Variants in COQ3 observed in about 807,000 individuals in gnomAD.
The protein encoded by COQ3 is coenzyme Q3, methyltransferase, also known as ubiquinone biosynthesis O-methyltransferase, mitochondrial.
In COQ3, 29 loss-of-function variants were observed where a neutral mutation model predicts 33.1. The ratio of observed to expected loss-of-function variants is 0.88; its 90% CI spans 0.65 to 1.19. COQ3 has a LOEUF of 1.19. COQ3 is among the 50% of genes most tolerant of loss of function. The pLI is 0.00. For missense variants in COQ3, 437 were observed against 430.7 expected, an observed-to-expected ratio of 1.01 and a Z score of -0.13; for synonymous variants, 173 against 157.8, an observed-to-expected ratio of 1.10 and a Z score of -0.72.
intron 2 of COQ3, among the ~76,000 whole-genome samples, chr6:99,382,564 A>G (rs1437029168): frequency 6.6e-6 from 1 of 152,214 alleles, no homozygotes; most frequent in Non-Finnish European, 1.5e-5. Context: ...AATTTACAAT[A>G]GGTAACAGTA....
intron 2 of COQ3, among the ~76,000 whole-genome samples, chr6:99,381,118 C>T (rs1246230993): frequency 6.6e-6 from 1 of 151,980 alleles, no homozygotes; most frequent in Non-Finnish European, 1.5e-5. Flanking sequence ...AGCACAGGTG[C>T]CTCCATCTTC....
chr6:99,383,855 A>G, intron 1 of COQ3, 31 bp from the exon 2 acceptor site: 3 of 1,509,546 alleles, frequency 2.0e-6, no homozygotes, highest in Non-Finnish European at 2.7e-6. Context: ...TCTAGAGAAA[A>G]GCTTTGCACA....
chr6:99,369,918 G>A (rs1582711069), intron 6 of COQ3, 98 bp from the exon 7 acceptor site: 2 of 775,942 alleles, frequency 2.6e-6, no homozygotes, highest in Non-Finnish European at 4.2e-6. Flanking sequence ...AATGCTGAGA[G>A]CACACTAAAT....
chr6:99,371,821 C>T (rs1299909157), intron 5 of COQ3, among the ~76,000 whole-genome samples: 1 of 152,100 alleles, frequency 6.6e-6, no homozygotes, highest in Non-Finnish European at 1.5e-5. Flanking sequence ...GCTTACAACT[C>T]TTAAGATCAT....
At chr6:99,384,902 T>C (rs1384330622) in intron 1 of COQ3, among the ~76,000 whole-genome samples, 2 of 152,066 alleles carry the variant, frequency 1.3e-5, no homozygotes, top group African/African-American at 2.4e-5. Flanking sequence ...CCTGAGGTCA[T>C]GAGTTCAAGA....
chr6:99,381,363 A>G (rs1008132501), intron 2 of COQ3, among the ~76,000 whole-genome samples: 1 of 152,234 alleles, frequency 6.6e-6, no homozygotes, highest in Non-Finnish European at 1.5e-5. Context: ...TCCTTAGCAT[A>G]GTTTACAAAG....
intron 2 of COQ3, chr6:99,383,026 G>A (rs6570016): frequency 0.96 from 146,331 of 152,042 alleles, 70,659 homozygotes; most frequent in East Asian, 1. Flanking sequence ...CCAATGACTC[G>A]GGAGGCTCAG....
intron 1 of COQ3, among the ~76,000 whole-genome samples, chr6:99,386,256 C>A (rs1390037512): frequency 2.0e-5 from 3 of 151,900 alleles, no homozygotes; most frequent in Admixed American, 2.0e-4. Context: ...ATGATAGAAG[C>A]CTATCTCTGC....
Position 99,378,363 on chromosome 6 carries a change from G to A in COQ3, c.387-878C>T, listed in dbSNP as rs72928622. On this transcript the variant is annotated intron_variant, in intron 3 of 6. Coordinates refer to ENST00000254759, the MANE Select transcript of COQ3 (RefSeq NM_017421.4). Reference sequence around the variant, plus strand: ...GAAAAGACCCATTTCAAATGAAGTCGATCCATTGTTTAAACCACAGCTAAA... The same window carrying A: ...GAAAAGACCCATTTCAAATGAAGTCAATCCATTGTTTAAACCACAGCTAAA... Among the ~76,000 whole-genome samples, 853 of 151,750 alleles carry A rather than the reference G, an allele frequency of 5.6e-3. 5 individuals carry two copies. The highest frequency in any genetic ancestry group is 0.01 in the Non-Finnish European group (688 of 67,908).
intron 1 of COQ3, 86 bp downstream of exon 1, chr6:99,393,988 A>G (rs1774902236): frequency 8.7e-7 from 1 of 1,153,220 alleles, no homozygotes; most frequent in Non-Finnish European, 1.3e-6. Flanking sequence ...TCCAGAGACA[A>G]CCCACCGCCC....
Position 99,369,530 on chromosome 6 carries a change from T to A in COQ3, c.*70A>T. 8.9e-7 allele frequency: 1 copy of A among 1,121,358 alleles called. No individual in the cohort carries two copies. Among genetic ancestry groups the A allele is most frequent in the South Asian group, 1.4e-5 (1 of 69,068 alleles). 69.5% of individuals were successfully genotyped at this position (1,121,358 alleles called of 1,614,324 possible). ...TTCTTCATGATTCTCTCTCAAAGGA[T>A]AAATTGTACATTTTTGTATTTGAAA... On this transcript the variant is annotated 3_prime_UTR_variant, in exon 7 of 7. Transcript: ENST00000254759.
chr6:99,377,121 T>C (rs921731817), intron 4 of COQ3, among the ~76,000 whole-genome samples: 4 of 150,180 alleles, frequency 2.7e-5, no homozygotes, highest in Non-Finnish European at 5.9e-5. Context: ...GCGATTCTCC[T>C]GCCTCAGCCT....
At position 99,383,810 on chromosome 6, in the gene COQ3, G is replaced by T. The variant is rs780903321; in HGVS notation, c.121C>A (p.Gln41Lys). ...LISSAVYVKNQLSGTLQIKPG... is the reference protein window; with the variant it reads ...LISSAVYVKNKLSGTLQIKPG... ...TTAATCTGTAGAGTCCCACTGAGCT[G>T]GTTCTTCACATAAACTGAAAAAAAA... The change falls in exon 2 of 7, where the codon CAG becomes AAG. Residue 41 changes from glutamine to lysine, a missense_variant. Transcript: ENST00000254759. 9.5e-6 allele frequency: 15 copies of T among 1,573,588 alleles called. No individual in the cohort carries two copies. The highest frequency in any genetic ancestry group is 1.3e-5 in the Non-Finnish European group (15 of 1,166,570).
At chr6:99,388,816 C>T (rs1774732919) in intron 1 of COQ3, among the ~76,000 whole-genome samples, 1 of 151,770 alleles carries the variant, frequency 6.6e-6, no homozygotes, top group South Asian at 2.1e-4. Context: ...CCATTACACT[C>T]CAGTATGGGT....
Position 99,371,604 on chromosome 6 carries a change from T to C in COQ3, c.730-17A>G, listed in dbSNP as rs1365427170. On this transcript the variant is annotated splice_polypyrimidine_tract_variant and intron_variant, in intron 5 of 6. Coordinates refer to ENST00000254759, the MANE Select transcript of COQ3 (RefSeq NM_017421.4). The stretch of plus-strand genomic sequence containing the variant: ...ACCACCGGGCTAAAAGAAATGAAAT[T>C]ATATAGAAGTAAAATGTAAAAGACT... 5.2e-6 allele frequency: 8 copies of C among 1,533,290 alleles called. No homozygotes were observed. Among genetic ancestry groups the C allele is most frequent in the Non-Finnish European group, 7.1e-6 (8 of 1,123,406 alleles). The allele number at this position is 1,533,290 out of a possible 1,614,324, so 95.0% of individuals were successfully genotyped here.
At chr6:99,386,333 G>A (rs1774653595) in intron 1 of COQ3, among the ~76,000 whole-genome samples, 1 of 152,090 alleles carries the variant, frequency 6.6e-6, no homozygotes, top group Non-Finnish European at 1.5e-5. Flanking sequence ...TGGAGGCTGA[G>A]GCACAAGAAT....
At chr6:99,375,809 G>T in intron 5 of COQ3, 131 bp downstream of exon 5, 1 of 910,512 alleles carries the variant, frequency 1.1e-6, no homozygotes, top group South Asian at 1.7e-5. Context: ...CCCTCATCCA[G>T]GCTTCCTGGT....
chr6:99,381,663 C>T (rs763475711), intron 2 of COQ3, among the ~76,000 whole-genome samples: 39 of 152,110 alleles, frequency 2.6e-4, no homozygotes, highest in Non-Finnish European at 2.9e-5. Flanking sequence ...TGGTGGCTGA[C>T]GTCTGTAATC....
chr6:99,373,971 C>T (rs1774211291), intron 5 of COQ3, among the ~76,000 whole-genome samples: 1 of 152,076 alleles, frequency 6.6e-6, no homozygotes, highest in South Asian at 2.1e-4. Flanking sequence ...CTTGCCAGTA[C>T]ACTCCAGCCT....
Sources: allele counts gnomAD v4.1 joint callset (sites outside exome capture counted in the v4.1 genomes callset), GRCh38; gene constraint gnomAD v4.1.1; transcripts MANE v1.5; gene names NCBI Gene and HGNC (gene_info 2026-07-23, HGNC 2026-07-21).